ANK2: variants seen among roughly 807,000 people sequenced by gnomAD.
ANK2 encodes ankyrin 2.
A neutral mutation model predicts 360.5 loss-of-function variants in ANK2; 83 were observed. The ratio of observed to expected loss-of-function variants is 0.23; its 90% confidence interval spans 0.19 to 0.28. The LOEUF (loss-of-function observed/expected upper bound fraction) is 0.28. ANK2 is among the 10% of genes least tolerant of loss of function. The probability of loss-of-function intolerance (pLI) is 1.00; values close to 1 mark genes in which losing one functional copy is unlikely to be tolerated. For missense variants in ANK2, 4,201 were observed against 4,795.7 expected (o/e 0.88, Z 3.66); for synonymous variants, 1,740 against 1,759.5 (o/e 0.99, Z 0.28).
intron 1 of ANK2, among the ~76,000 whole-genome samples, chr4:112,865,025 C>T (rs1399610812): frequency 4.5e-5 from 4 of 89,488 alleles, no homozygotes; most frequent in Non-Finnish European, 7.9e-5. Context: ...GAGCGAGACT[C>T]CATCTCAAAA....
At chr4:113,252,130 G>C (rs1001101059) in intron 10 of ANK2, among the ~76,000 whole-genome samples, 43 of 152,158 alleles carry the variant, frequency 2.8e-4, no homozygotes, top group Non-Finnish European at 5.6e-4. Flanking sequence ...AAGGTGAAAG[G>C]CACGTCTCAC....
chr4:112,730,246 CT>C, the ANK2 span, among the ~76,000 whole-genome samples: 1 of 100,478 alleles, frequency 1.0e-5, no homozygotes, highest in Non-Finnish European at 1.9e-5. Flanking sequence ...GAGTGAGACT[CT>C]GTCTCAAAAA....
At chr4:112,838,894 T>G (rs1289968332) in intron 1 of ANK2, among the ~76,000 whole-genome samples, 1 of 152,210 alleles carries the variant, frequency 6.6e-6, no homozygotes, top group Non-Finnish European at 1.5e-5. Context: ...CTACCGTTTC[T>G]CCTGTGCCTT....
At chr4:112,788,026 A>G in the ANK2 span, 189 of 902,630 alleles carry the variant, frequency 2.1e-4, 1 homozygote, top group East Asian at 4.6e-3. Context: ...ATTTCTTTGA[A>G]GGAAAATTTG....
chr4:113,159,689 A>T (rs1186553679), intron 1 of ANK2, among the ~76,000 whole-genome samples: 1 of 151,776 alleles, frequency 6.6e-6, no homozygotes. Flanking sequence ...GCTCACTGTA[A>T]ACTTTGCCTC....
intron 1 of ANK2, among the ~76,000 whole-genome samples, chr4:112,847,505 C>G (rs10461149): frequency 6.6e-6 from 1 of 152,028 alleles, no homozygotes; most frequent in East Asian, 1.9e-4. Flanking sequence ...CAGAAGCCTC[C>G]TAACTGGTCT....
chr4:112,881,832 T>G, intron 1 of ANK2: 1 of 936,282 alleles, frequency 1.1e-6, no homozygotes, highest in Non-Finnish European at 1.7e-6. Context: ...AACAAATATC[T>G]TTTTCACAGT....
intron 2 of ANK2, among the ~76,000 whole-genome samples, chr4:112,992,610 G>A (rs2047194705): frequency 6.6e-6 from 1 of 152,140 alleles, no homozygotes; most frequent in Non-Finnish European, 1.5e-5. Flanking sequence ...TCTGACAAGG[G>A]CTTTCTTTCT....
At chr4:113,198,195 G>A (rs2098777480) in intron 3 of ANK2, among the ~76,000 whole-genome samples, 1 of 151,996 alleles carries the variant, frequency 6.6e-6, no homozygotes, top group South Asian at 2.1e-4. Flanking sequence ...TAGAATTGTA[G>A]AATTTCCTGG....
chr4:112,766,877 G>A, the ANK2 span, among the ~76,000 whole-genome samples: 1 of 152,098 alleles, frequency 6.6e-6, no homozygotes, highest in Non-Finnish European at 1.5e-5. Flanking sequence ...ATCAGAAGAG[G>A]GAATGGATGC....
intron 2 of ANK2, among the ~76,000 whole-genome samples, chr4:113,182,660 G>T (rs1179118330): frequency 6.6e-6 from 1 of 152,170 alleles, no homozygotes; most frequent in Non-Finnish European, 1.5e-5. Flanking sequence ...TCTGTAAAAT[G>T]CTGTTGATCC....
chr4:112,732,822 C>T, the ANK2 span, among the ~76,000 whole-genome samples: 1 of 152,144 alleles, frequency 6.6e-6, no homozygotes, highest in East Asian at 1.9e-4. Context: ...TGGCTCACGC[C>T]TATAATCTCA....
chr4:113,274,429 T>A, intron 14 of ANK2, 23 bp from the exon 15 acceptor site: 1 of 1,613,366 alleles, frequency 6.2e-7, no homozygotes, highest in South Asian at 1.1e-5. Context: ...CGGCACTAAC[T>A]TTTTACTTGG....
At chr4:113,114,817 A>G (rs2094604243) in intron 1 of ANK2, among the ~76,000 whole-genome samples, 2 of 152,150 alleles carry the variant, frequency 1.3e-5, no homozygotes, top group South Asian at 4.1e-4. Context: ...TTGATAGTGT[A>G]TCAGCAGATT....
intron 1 of ANK2, among the ~76,000 whole-genome samples, chr4:112,825,336 A>AT (rs1004563438): frequency 2.1e-5 from 3 of 145,380 alleles, no homozygotes; most frequent in Admixed American, 1.5e-4. Context: ...ATAAAGGATA[A>AT]TAAAAAAAAA....
intron 7 of ANK2, among the ~76,000 whole-genome samples, chr4:113,240,059 A>G (rs2038918134): frequency 6.6e-6 from 1 of 152,164 alleles, no homozygotes; most frequent in African/African-American, 2.4e-5. Context: ...TTTTTAAAAC[A>G]AAAATAAAAC....
chr4:113,084,718 A>G (rs931033092), intron 1 of ANK2, among the ~76,000 whole-genome samples: 1 of 152,236 alleles, frequency 6.6e-6, no homozygotes, highest in African/African-American at 2.4e-5. Context: ...GCTAAGCAAG[A>G]TGATTTTCTC....
chr4:113,012,238 G>T (rs1052132173), intron 2 of ANK2, among the ~76,000 whole-genome samples: 6 of 152,118 alleles, frequency 3.9e-5, no homozygotes, highest in African/African-American at 1.2e-4. Flanking sequence ...TTATAGAAAA[G>T]TGTCCTTTAT....
intron 1 of ANK2, among the ~76,000 whole-genome samples, chr4:113,112,075 A>G (rs938181481): frequency 6.6e-6 from 1 of 152,196 alleles, no homozygotes; most frequent in Non-Finnish European, 1.5e-5. Flanking sequence ...GATGGGGACA[A>G]TAAGAAAGTT....
Sources: gnomAD v4.1 joint callset for allele counts (sites outside exome capture counted in the v4.1 genomes callset) on GRCh38, gnomAD v4.1.1 for gene constraint, MANE v1.5 for transcripts, NCBI Gene and HGNC (gene_info 2026-07-23, HGNC 2026-07-21) for gene names.